Variants in TTLL7 observed in about 807,000 individuals in gnomAD.
TTLL7 encodes the protein tubulin polyglutamylase TTLL7.
In TTLL7, 53 loss-of-function variants were observed where a neutral mutation model predicts 120.2. The ratio of observed to expected loss-of-function variants is 0.44; its 90% CI spans 0.35 to 0.55. TTLL7 has a LOEUF of 0.55. TTLL7 is among the 20% of genes least tolerant of loss of function. The pLI, the probability that TTLL7 is intolerant of heterozygous loss-of-function variation, is 0.00. For synonymous variants in TTLL7, 353 were observed against 351.7 expected (o/e 1.00, Z -0.04); for missense variants, 803 against 1,054.7 (o/e 0.76, Z 3.31).
intron 15 of TTLL7, 149 bp from the exon 16 acceptor site, chr1:83,907,810 T>G: frequency 1.4e-6 from 1 of 718,170 alleles, no homozygotes; most frequent in Non-Finnish European, 2.3e-6. Flanking sequence ...AGAATATGAG[T>G]TTGGAATACA....
chr1:83,930,721 G>C (rs1405861431), intron 9 of TTLL7, among the ~76,000 whole-genome samples: 2 of 152,068 alleles, frequency 1.3e-5, no homozygotes, highest in Non-Finnish European at 2.9e-5. Flanking sequence ...TGGTCCATTG[G>C]CATGTTATCT....
intron 1 of TTLL7, among the ~76,000 whole-genome samples, chr1:83,959,626 C>G (rs1401234401): frequency 6.6e-6 from 1 of 152,096 alleles, no homozygotes; most frequent in South Asian, 2.1e-4. Context: ...CTAACCAACA[C>G]ACTCATTTTG....
intron 1 of TTLL7, among the ~76,000 whole-genome samples, chr1:83,977,839 C>T (rs1375055420): frequency 6.6e-5 from 10 of 152,038 alleles, no homozygotes; most frequent in African/African-American, 1.2e-4. Flanking sequence ...CTGCAAGATC[C>T]GACAATGTAG....
chr1:83,981,490 T>A (rs1412928757), intron 1 of TTLL7: 1 of 150,620 alleles, frequency 6.6e-6, no homozygotes, highest in Non-Finnish European at 1.5e-5. Flanking sequence ...CAAGATGGCT[T>A]CAAAATACAC....
At chr1:83,909,111 T>C (rs1196001756) in intron 15 of TTLL7, among the ~76,000 whole-genome samples, 1 of 151,536 alleles carries the variant, frequency 6.6e-6, no homozygotes, top group Non-Finnish European at 1.5e-5. Flanking sequence ...GAGAGCAAAC[T>C]TATACTAAGA....
intron 18 of TTLL7, among the ~76,000 whole-genome samples, chr1:83,892,233 T>C (rs1287824107): frequency 7.2e-6 from 1 of 139,390 alleles, no homozygotes; most frequent in East Asian, 2.0e-4. Context: ...TATGTGTATA[T>C]ATATGAATAT....
rs1029071788 is a variant in TTLL7 at position 83,917,498 on chromosome 1, C to T, written c.1587+106G>A. ...CTTTACCTGCACTGGGCACACAGTC[C>T]CTGTGGTTCCTTTTTTAAAGCAGCA... On this transcript the variant is annotated intron_variant, in intron 14 of 20. Transcript: ENST00000260505. 10 of 765,928 alleles carry T rather than the reference C, an allele frequency of 1.3e-5. No homozygotes were observed. In the African/African-American group the frequency reaches 1.4e-4, roughly 11 times the overall value. The allele number at this position is 765,928 out of a possible 1,614,324, so 47.4% of individuals were successfully genotyped here.
At chr1:83,943,798 G>A (rs1446646385) in intron 6 of TTLL7, among the ~76,000 whole-genome samples, 1 of 152,176 alleles carries the variant, frequency 6.6e-6, no homozygotes, top group Non-Finnish European at 1.5e-5. Flanking sequence ...TCAATTAATA[G>A]AAACAGTTGC....
intron 13 of TTLL7, 137 bp downstream of exon 13, chr1:83,919,562 C>G: frequency 1.3e-6 from 1 of 767,528 alleles, no homozygotes; most frequent in Non-Finnish European, 2.0e-6. Flanking sequence ...ATGTTACCAA[C>G]TGTTAAAATA....
In TTLL7 at chr1:83,989,229, C is replaced by G. The variant is rs116705035; in HGVS notation, c.-177+9702G>C. On this transcript the variant is annotated intron_variant, in intron 1 of 20. Transcript: ENST00000260505. ...TTTTTGCTGCAATTGCTTTTGGGGA[C>G]TTAGCCATAAATCCTTCATCAAGGC... is the stretch of plus-strand genomic sequence containing the variant. 6.5e-3 allele frequency among the ~76,000 whole-genome samples: 989 copies of G among 152,216 alleles called. 14 individuals are homozygous for G. Among genetic ancestry groups the G allele is most frequent in the African/African-American group, 0.023 (947 of 41,524 alleles).
At chr1:83,980,810 T>C (rs1011736025) in intron 1 of TTLL7, 5 of 152,124 alleles carry the variant, frequency 3.3e-5, no homozygotes, top group African/African-American at 9.7e-5. Flanking sequence ...TCAAAGTATG[T>C]ATGGGAAATA....
At chr1:83,964,979 C>G (rs1255561047) in intron 1 of TTLL7, among the ~76,000 whole-genome samples, 1 of 152,020 alleles carries the variant, frequency 6.6e-6, no homozygotes, top group Non-Finnish European at 1.5e-5. Flanking sequence ...AATGTGCATT[C>G]TTTAGAACAA....
chr1:83,936,243 T>A (rs185507379), intron 8 of TTLL7, among the ~76,000 whole-genome samples: 2 of 152,244 alleles, frequency 1.3e-5, no homozygotes, highest in African/African-American at 4.8e-5. Context: ...CTAATGACCC[T>A]CATTATTCTC....
chr1:83,938,919 T>G (rs1436219279), intron 7 of TTLL7, among the ~76,000 whole-genome samples: 1 of 152,174 alleles, frequency 6.6e-6, no homozygotes. Flanking sequence ...CCAACTATAT[T>G]CATGTCATAT....
At chr1:83,903,000 T>G (rs1278466162) in intron 18 of TTLL7, among the ~76,000 whole-genome samples, 1 of 151,992 alleles carries the variant, frequency 6.6e-6, no homozygotes, top group Non-Finnish European at 1.5e-5. Flanking sequence ...ATTTCTATTC[T>G]GCCAAATTCC....
At chr1:83,966,859 A>C (rs1405079497) in intron 1 of TTLL7, among the ~76,000 whole-genome samples, 1 of 152,120 alleles carries the variant, frequency 6.6e-6, no homozygotes, top group Non-Finnish European at 1.5e-5. Context: ...AGAAAAACCC[A>C]GAAAATAGTG....
intron 20 of TTLL7, among the ~76,000 whole-genome samples, chr1:83,880,873 G>C (rs1219111335): frequency 6.6e-6 from 1 of 151,928 alleles, no homozygotes; most frequent in Non-Finnish European, 1.5e-5. Flanking sequence ...AAACAGCATG[G>C]TACTGGTACC....
intron 9 of TTLL7, among the ~76,000 whole-genome samples, chr1:83,931,436 C>T (rs1302486693): frequency 6.6e-6 from 1 of 151,916 alleles, no homozygotes; most frequent in East Asian, 1.9e-4. Context: ...TGTAGCCCTA[C>T]AATCTTTGCT....
chr1:83,896,518 C>T (rs1656236768), intron 18 of TTLL7, among the ~76,000 whole-genome samples: 4 of 152,070 alleles, frequency 2.6e-5, no homozygotes, highest in South Asian at 2.1e-4. Flanking sequence ...AAAATCACTA[C>T]ATGCTGTACT....
Sources: gnomAD v4.1 joint callset for allele counts (sites outside exome capture counted in the v4.1 genomes callset) on GRCh38, gnomAD v4.1.1 for gene constraint, MANE v1.5 for transcripts, NCBI Gene and HGNC (gene_info 2026-07-23, HGNC 2026-07-21) for gene names.